Variants in CSMD1 observed in about 807,000 individuals in gnomAD.
CSMD1 encodes CUB and sushi domain-containing protein 1.
A neutral mutation model predicts 417.5 loss-of-function variants in CSMD1; 213 were observed. The ratio of observed to expected loss-of-function variants is 0.51; its 90% confidence interval spans 0.46 to 0.57. The LOEUF (loss-of-function observed/expected upper bound fraction) is 0.57. CSMD1 is among the 20% of genes least tolerant of loss of function. The pLI, the probability that CSMD1 is intolerant of heterozygous loss-of-function variation, is 0.00. For synonymous variants in CSMD1, 2,862 were observed against 1,736.8 expected (o/e 1.65, Z -16.11); for missense variants, 6,923 against 4,529.7 (o/e 1.53, Z -15.17).
chr8:4,267,038 CAG>C (rs1804268414), intron 3 of CSMD1, among the ~76,000 whole-genome samples: 1 of 103,638 alleles, frequency 9.6e-6, no homozygotes. Context: ...AGTAATGTAA[CAG>C]AAACCATTCC....
chr8:3,356,443 A>G (rs952537098), intron 21 of CSMD1, among the ~76,000 whole-genome samples: 5 of 152,206 alleles, frequency 3.3e-5, no homozygotes, highest in Non-Finnish European at 5.9e-5. Flanking sequence ...TTGGGAGGCC[A>G]AGGCGGGCAC....
intron 5 of CSMD1, among the ~76,000 whole-genome samples, chr8:3,755,605 G>C (rs907066188): frequency 2.6e-5 from 4 of 152,080 alleles, no homozygotes; most frequent in Non-Finnish European, 5.9e-5. Flanking sequence ...CTACGAAATG[G>C]GTCACCTGTG....
intron 5 of CSMD1, among the ~76,000 whole-genome samples, chr8:3,773,622 G>A (rs887067408): frequency 6.6e-6 from 1 of 152,120 alleles, no homozygotes; most frequent in African/African-American, 2.4e-5. Flanking sequence ...AGTAAGTCCA[G>A]TGTAAACTAT....
intron 1 of CSMD1, among the ~76,000 whole-genome samples, chr8:4,670,019 T>A (rs765416912): frequency 1.2e-4 from 18 of 152,182 alleles, no homozygotes; most frequent in Non-Finnish European, 2.4e-4. Flanking sequence ...CCAGAACAAA[T>A]GAACTCAACC....
At chr8:4,069,378 T>C (rs996766399) in intron 3 of CSMD1, among the ~76,000 whole-genome samples, 10 of 152,384 alleles carry the variant, frequency 6.6e-5, no homozygotes, top group African/African-American at 2.4e-4. Context: ...TTTTACTTTA[T>C]GCTTTCGTCT....
intron 9 of CSMD1, among the ~76,000 whole-genome samples, chr8:3,584,866 C>A (rs1800530849): frequency 1.3e-5 from 2 of 152,112 alleles, no homozygotes; most frequent in African/African-American, 4.8e-5. Flanking sequence ...GCATCACCAG[C>A]CCTAGTGGGA....
chr8:3,318,863 C>T (rs76965088), intron 23 of CSMD1, among the ~76,000 whole-genome samples: 3,032 of 152,214 alleles, frequency 0.02, 41 homozygotes, highest in East Asian at 0.037. Flanking sequence ...GTGCTTTCCA[C>T]GGGGCAGGTG....
chr8:4,248,860 A>G (rs990503336), intron 3 of CSMD1, among the ~76,000 whole-genome samples: 6 of 151,908 alleles, frequency 3.9e-5, no homozygotes, highest in South Asian at 2.1e-4. Context: ...GCTAACTCTC[A>G]AAAGTCACTC....
intron 3 of CSMD1, among the ~76,000 whole-genome samples, chr8:4,188,296 G>T (rs1435425360): frequency 6.6e-6 from 1 of 152,092 alleles, no homozygotes; most frequent in African/African-American, 2.4e-5. Flanking sequence ...AATGTCCCCC[G>T]GTTGTCAAAT....
chr8:4,060,120 G>A (rs1012173167), intron 3 of CSMD1, among the ~76,000 whole-genome samples: 3 of 152,148 alleles, frequency 2.0e-5, no homozygotes, highest in Non-Finnish European at 4.4e-5. Flanking sequence ...TCATCCCTGG[G>A]ATGCAAGGCT....
At chr8:3,705,911 T>C (rs780562710) in intron 7 of CSMD1, among the ~76,000 whole-genome samples, 63 of 152,300 alleles carry the variant, frequency 4.1e-4, no homozygotes, top group Non-Finnish European at 7.5e-4. Context: ...GAAGATGAAA[T>C]CCTCATGTCA....
At chr8:4,396,719 G>C (rs749839030) in intron 3 of CSMD1, among the ~76,000 whole-genome samples, 1 of 151,980 alleles carries the variant, frequency 6.6e-6, no homozygotes, top group Non-Finnish European at 1.5e-5. Flanking sequence ...TGAAATCATG[G>C]CATTTGCAGC....
intron 17 of CSMD1, among the ~76,000 whole-genome samples, chr8:3,395,464 T>G (rs1811629207): frequency 1.3e-5 from 2 of 152,322 alleles, no homozygotes; most frequent in East Asian, 1.9e-4. Context: ...TATATTTGCA[T>G]AAATATTATT....
chr8:3,895,697 G>C (rs535911756), intron 5 of CSMD1, among the ~76,000 whole-genome samples: 1 of 152,186 alleles, frequency 6.6e-6, no homozygotes, highest in African/African-American at 2.4e-5. Context: ...TTTGTATTTA[G>C]TTCCTAACTT....
chr8:3,885,937 G>A (rs1464632274), intron 5 of CSMD1, among the ~76,000 whole-genome samples: 1 of 151,906 alleles, frequency 6.6e-6, no homozygotes, highest in Non-Finnish European at 1.5e-5. Context: ...ATTGTTAAAA[G>A]TTGATAAGTT....
intron 2 of CSMD1, among the ~76,000 whole-genome samples, chr8:4,589,288 T>C (rs1292465373): frequency 6.6e-6 from 1 of 152,214 alleles, no homozygotes; most frequent in Non-Finnish European, 1.5e-5. Flanking sequence ...TCTGCATATA[T>C]TATGCCAATA....
At chr8:4,440,555 CT>C (rs1289874098) in intron 2 of CSMD1, among the ~76,000 whole-genome samples, 15 of 152,258 alleles carry the variant, frequency 9.9e-5, no homozygotes, top group East Asian at 3.9e-4. Context: ...ACATGCATAT[CT>C]ATATGTAATT....
intron 3 of CSMD1, among the ~76,000 whole-genome samples, chr8:4,146,860 T>A (rs1049595716): frequency 6.8e-6 from 1 of 146,732 alleles, no homozygotes; most frequent in Non-Finnish European, 1.5e-5. Context: ...TCCGCCCGCC[T>A]CAGCCTCCCA....
At chr8:4,360,315 T>G (rs999570380) in intron 3 of CSMD1, among the ~76,000 whole-genome samples, 1 of 152,196 alleles carries the variant, frequency 6.6e-6, no homozygotes, top group African/African-American at 2.4e-5. Flanking sequence ...TCCAGCTCCA[T>G]GGGAAGTGCA....
Sources: allele counts gnomAD v4.1 joint callset (sites outside exome capture counted in the v4.1 genomes callset), GRCh38; gene constraint gnomAD v4.1.1; transcripts MANE v1.5; gene names NCBI Gene and HGNC (gene_info 2026-07-23, HGNC 2026-07-21).